ARHGEF28: variants seen among roughly 807,000 people sequenced by gnomAD.
ARHGEF28 encodes the protein Rho guanine nucleotide exchange factor 28.
A neutral mutation model predicts 206.6 loss-of-function variants in ARHGEF28; 152 were observed. The ratio of observed to expected loss-of-function variants is 0.74; its 90% CI spans 0.64 to 0.84. The LOEUF (loss-of-function observed/expected upper bound fraction) is 0.84. Among genes scored for constraint, ARHGEF28 ranks in the 40% least tolerant of loss-of-function variants. The pLI, the probability that ARHGEF28 is intolerant of heterozygous loss-of-function variation, is 0.00. For missense variants in ARHGEF28, 2,028 were observed against 2,073.2 expected (o/e 0.98, Z 0.42); for synonymous variants, 763 against 776.4 (o/e 0.98, Z 0.29).
chr5:73,689,379 G>A (rs1390313637), intron 2 of ARHGEF28, among the ~76,000 whole-genome samples: 2 of 152,034 alleles, frequency 1.3e-5, no homozygotes, highest in African/African-American at 2.4e-5. Flanking sequence ...GGGCCTCACT[G>A]TTGCCCAGGC....
intron 5 of ARHGEF28, among the ~76,000 whole-genome samples, chr5:73,774,471 T>C (rs921359079): frequency 6.6e-6 from 1 of 152,240 alleles, no homozygotes; most frequent in African/African-American, 2.4e-5. Flanking sequence ...TATTTCTGTT[T>C]TACCCATTGC....
chr5:73,782,731 A>G (rs965376631), intron 7 of ARHGEF28, among the ~76,000 whole-genome samples: 2 of 152,198 alleles, frequency 1.3e-5, no homozygotes, highest in African/African-American at 4.8e-5. Context: ...GAAGACCTGT[A>G]GGAGAAAGCT....
chr5:73,834,269 A>C (rs555076454), intron 10 of ARHGEF28, among the ~76,000 whole-genome samples: 1 of 152,194 alleles, frequency 6.6e-6, no homozygotes, highest in East Asian at 1.9e-4. Context: ...CATGTTGTAC[A>C]TTAGGTCTCA....
chr5:73,829,918 T>A (rs1037842943), intron 9 of ARHGEF28, among the ~76,000 whole-genome samples: 1 of 152,212 alleles, frequency 6.6e-6, no homozygotes, highest in African/African-American at 2.4e-5. Flanking sequence ...AGTGTTGTTC[T>A]AATATCTAAT....
rs181377967 is a variant in ARHGEF28, at chr5:73,698,533, A to G, written c.33+13649A>G. Among the ~76,000 whole-genome samples, 10 of 152,188 alleles carry G rather than the reference A, an allele frequency of 6.6e-5. No individual in the cohort carries two copies. In the East Asian group the frequency reaches 1.9e-3, roughly 30 times the overall value. ...CTTAGGGTCTTCCCTAAGCATTGAA[A>G]GACGTCTTTGGGAGCCTTGAAGCTT... On this transcript the variant is annotated intron_variant, in intron 2 of 35. Coordinates refer to ENST00000513042, the MANE Select transcript of ARHGEF28 (RefSeq NM_001177693.2).
chr5:73,737,527 T>TTTTCTTTTCTTTTCTTTTCTTTTCTTTTC (rs1561368163), intron 2 of ARHGEF28, among the ~76,000 whole-genome samples: 1 of 51,402 alleles, frequency 1.9e-5, no homozygotes, highest in Non-Finnish European at 4.3e-5. Context: ...CTTTTCTTTT[T>TTTTCTTTTCTTTTCTTTTCTTTTCTTTTC]TGTGATGGAG....
At chr5:73,806,656 G>GTACCATATATACGATATATCA (rs1755505636) in intron 9 of ARHGEF28, among the ~76,000 whole-genome samples, 8 of 134,868 alleles carry the variant, frequency 5.9e-5, no homozygotes, top group Non-Finnish European at 3.1e-5. Context: ...AGTATATATC[G>GTACCATATATACGATATATCA]TATACATCTA....
At chr5:73,747,848 A>G (rs1220468764) in intron 2 of ARHGEF28, among the ~76,000 whole-genome samples, 1 of 152,158 alleles carries the variant, frequency 6.6e-6, no homozygotes, top group Admixed American at 6.5e-5. Context: ...GAATTACAAG[A>G]CTGTAATGTT....
chr5:73,645,749 A>G (rs1744385477), intron 1 of ARHGEF28, among the ~76,000 whole-genome samples: 1 of 152,080 alleles, frequency 6.6e-6, no homozygotes, highest in African/African-American at 2.4e-5. Context: ...CATTTCCCCT[A>G]GAGGTCTTGT....
chr5:73,643,454 A>G (rs1193662952), intron 1 of ARHGEF28, among the ~76,000 whole-genome samples: 1 of 152,180 alleles, frequency 6.6e-6, no homozygotes, highest in East Asian at 1.9e-4. Context: ...GAAGACATTT[A>G]ATAGTTTTAT....
intron 14 of ARHGEF28, among the ~76,000 whole-genome samples, 166 bp from the exon 15 acceptor site, chr5:73,857,490 A>AT (rs202219756): frequency 0.037 from 5,563 of 151,984 alleles, 170 homozygotes; most frequent in Non-Finnish European, 0.052. Flanking sequence ...TATAGGGTGT[A>AT]TTTTTAATGA....
chr5:73,658,322 G>A (rs1288749890), intron 1 of ARHGEF28, among the ~76,000 whole-genome samples: 2 of 152,076 alleles, frequency 1.3e-5, no homozygotes, highest in Admixed American at 1.3e-4. Flanking sequence ...ATTCCTGATG[G>A]CAGAGACCTG....
chr5:73,822,997 G>A lies in ARHGEF28; in HGVS notation c.1025-9341G>A, dbSNP rs530584053. 3.3e-4 allele frequency among the ~76,000 whole-genome samples: 50 copies of A among 152,292 alleles called. 1 individual carries two copies. The South Asian group carries it at 1.0e-2, about 30-fold the overall frequency. On this transcript the variant is annotated intron_variant, in intron 9 of 35. Coordinates refer to ENST00000513042, the MANE Select transcript of ARHGEF28 (RefSeq NM_001177693.2). ...TCTGGGTAACACTAAGACCATTGGT[G>A]AAAAGGACTTTCTATAAACTTCAGA...
rs1382319282 is a variant in ARHGEF28, at chr5:73,729,746, A to G, written c.34-20091A>G. 2.0e-5 allele frequency among the ~76,000 whole-genome samples: 3 copies of G among 152,210 alleles called. No homozygotes were observed. In the South Asian group the frequency reaches 6.2e-4, roughly 32 times the overall value. On this transcript the variant is annotated intron_variant, in intron 2 of 35. Transcript: ENST00000513042. Reference sequence around the variant, plus strand: ...AGGTGGGTAGTAAGTAGCTAATTTTACTCAAATTGTATAGACTATTTTTGT... The same window carrying G: ...AGGTGGGTAGTAAGTAGCTAATTTTGCTCAAATTGTATAGACTATTTTTGT...
chr5:73,940,123 CA>C (rs1742504923), intron 35 of ARHGEF28, among the ~76,000 whole-genome samples: 1 of 152,134 alleles, frequency 6.6e-6, no homozygotes, highest in East Asian at 1.9e-4. Flanking sequence ...TGGTTTGCAG[CA>C]AGTGTCTTTC....
chr5:73,867,886 T>G lies in ARHGEF28; in HGVS notation c.2163T>G (p.Phe721Leu). The change falls in exon 19 of 36, where the codon TTT becomes TTG. Residue 721 changes from phenylalanine (F) to leucine (L), a missense_variant. Around this residue, in one of 3 missense-constraint regions of ARHGEF28, gnomAD observed 1,002 missense variants for 1,015.3 expected, o/e 0.99. Coordinates refer to ENST00000513042, the MANE Select transcript of ARHGEF28 (RefSeq NM_001177693.2). ...KPQTILGNSS[F>L]RDIPQPGLSL... ...TGTTCTGATTTCCAGATTCTTCATT[T>G]AGAGACATCCCACAGCCTGGTCTCT... The G allele has an allele frequency of 1.2e-6, 2 of 1,614,006 alleles. No individual in the cohort carries two copies. The highest frequency in any genetic ancestry group is 1.7e-6 in the Non-Finnish European group (2 of 1,179,864).
intron 9 of ARHGEF28, among the ~76,000 whole-genome samples, chr5:73,800,314 T>C (rs1029390307): frequency 6.6e-6 from 1 of 152,224 alleles, no homozygotes; most frequent in Admixed American, 6.5e-5. Flanking sequence ...TGTTTATGTT[T>C]TAATAAAGCA....
chr5:73,706,464 CTA>C (rs1377172482), intron 2 of ARHGEF28, among the ~76,000 whole-genome samples: 1 of 151,992 alleles, frequency 6.6e-6, no homozygotes, highest in Admixed American at 6.6e-5. Flanking sequence ...AAAAAAGAGT[CTA>C]TTGAAGTTCA....
chr5:73,805,612 G>A (rs112341382), intron 9 of ARHGEF28, among the ~76,000 whole-genome samples: 46 of 152,256 alleles, frequency 3.0e-4, no homozygotes, highest in African/African-American at 1.1e-3. Flanking sequence ...TAGCTGCCAC[G>A]TTTCTCCCTG....
Sources: allele counts gnomAD v4.1 joint callset (sites outside exome capture counted in the v4.1 genomes callset), GRCh38; gene constraint gnomAD v4.1.1; regional missense constraint gnomAD v4.1.1; transcripts MANE v1.5; gene names NCBI Gene and HGNC (gene_info 2026-07-23, HGNC 2026-07-21).